SPAG16: variants seen among roughly 807,000 people sequenced by gnomAD.
SPAG16 encodes the protein sperm-associated antigen 16 protein.
A neutral mutation model predicts 80.4 loss-of-function variants in SPAG16; 86 were observed. The ratio of observed to expected loss-of-function variants is 1.07; its 90% CI spans 0.90 to 1.28. The LOEUF (loss-of-function observed/expected upper bound fraction) is 1.28. SPAG16 is among the 50% of genes most tolerant of loss of function. The probability of loss-of-function intolerance (pLI) is 0.00; values close to 1 mark genes in which losing one functional copy is unlikely to be tolerated. For missense variants in SPAG16, 870 were observed against 765.3 expected, an observed-to-expected ratio of 1.14 and a Z score of -1.61; for synonymous variants, 294 against 265.9, an observed-to-expected ratio of 1.11 and a Z score of -1.03.
At chr2:213,868,145 A>G (rs535665354) in intron 11 of SPAG16, among the ~76,000 whole-genome samples, 4 of 152,180 alleles carry the variant, frequency 2.6e-5, no homozygotes, top group African/African-American at 9.6e-5. Context: ...ACCAAATTCA[A>G]TTGCTTCAAA....
In SPAG16 at chr2:213,860,460, C is replaced by CATATATCTATATAT. The variant is rs1559529508; in HGVS notation, c.1071-2024_1071-2023insTATATCTATATATA. The stretch of plus-strand genomic sequence containing the variant: ...ATTTATAGATATATGTATATATATA[C>CATATATCTATATAT]AGATATATCTATCTATATATATATA... On this transcript the variant is annotated intron_variant, in intron 10 of 15. Transcript: ENST00000331683. 5.6e-3 allele frequency among the ~76,000 whole-genome samples: 732 copies of CATATATCTATATAT among 131,484 alleles called. 19 individuals carry two copies. The highest frequency in any genetic ancestry group is 0.019 in the African/African-American group (646 of 34,442). 86.3% of individuals were successfully genotyped at this position (131,484 alleles called of 152,430 possible).
At chr2:214,299,584 CTT>C (rs1308051617) in intron 15 of SPAG16, among the ~76,000 whole-genome samples, 1 of 151,786 alleles carries the variant, frequency 6.6e-6, no homozygotes, top group Non-Finnish European at 1.5e-5. Flanking sequence ...CAGTCTCTCA[CTT>C]TTATTAAAGA....
intron 11 of SPAG16, among the ~76,000 whole-genome samples, chr2:213,928,666 C>T (rs1344015525): frequency 6.6e-6 from 1 of 152,184 alleles, no homozygotes; most frequent in African/African-American, 2.4e-5. Flanking sequence ...TCTATATTTA[C>T]TTACTCTAAA....
chr2:214,058,474 G>T (rs569275796), intron 13 of SPAG16, among the ~76,000 whole-genome samples: 1 of 152,118 alleles, frequency 6.6e-6, no homozygotes, highest in Admixed American at 6.5e-5. Context: ...AATTGCAATG[G>T]TAACATCAAA....
Position 213,685,289 on chromosome 2 carries a change from A to G in SPAG16, c.1071-177196A>G, listed in dbSNP as rs139259365. On this transcript the variant is annotated intron_variant, in intron 10 of 15. Transcript: ENST00000331683. ...TCACTGGGGTAGACCCCAATCCAAT[A>G]TGACGCGTGTTCTTGTAAGAAGGAG... Among the ~76,000 whole-genome samples the G allele has an allele frequency of 1.5e-3, 231 of 152,346 alleles. 2 individuals carry two copies. The highest frequency in any genetic ancestry group is 5.1e-3 in the African/African-American group (212 of 41,582).
Position 213,903,102 on chromosome 2 carries a change from C to T in SPAG16, c.1215-26858C>T, listed in dbSNP as rs557360345. On this transcript the variant is annotated intron_variant, in intron 11 of 15. Coordinates refer to ENST00000331683, the MANE Select transcript of SPAG16 (RefSeq NM_024532.5). ...CCTCCTGGCTGCTTTCACAGGCTAG[C>T]ATTGAGTATCTATGGTTTTTCCAGG... Among the ~76,000 whole-genome samples, 592 of 152,290 alleles carry T rather than the reference C, an allele frequency of 3.9e-3. 5 individuals are homozygous for T. The highest frequency in any genetic ancestry group is 0.014 in the African/African-American group (562 of 41,576).
intron 12 of SPAG16, among the ~76,000 whole-genome samples, chr2:214,009,746 A>C (rs2047196773): frequency 6.6e-6 from 1 of 152,182 alleles, no homozygotes; most frequent in African/African-American, 2.4e-5. Flanking sequence ...GGTCAACAGC[A>C]CACGAGGTGA....
chr2:214,281,766 T>G (rs910409240), intron 15 of SPAG16, among the ~76,000 whole-genome samples: 3 of 152,236 alleles, frequency 2.0e-5, no homozygotes, highest in African/African-American at 7.2e-5. Flanking sequence ...TTATATTCAA[T>G]AGTCAAAAAC....
chr2:213,554,555 G>T (rs550857648), intron 10 of SPAG16, among the ~76,000 whole-genome samples: 2 of 151,880 alleles, frequency 1.3e-5, no homozygotes, highest in East Asian at 3.9e-4. Context: ...GCATGACAAA[G>T]AATTCAAAAT....
At chr2:214,325,663 C>T (rs767983144) in intron 15 of SPAG16, among the ~76,000 whole-genome samples, 8 of 151,920 alleles carry the variant, frequency 5.3e-5, no homozygotes, top group Non-Finnish European at 1.0e-4. Flanking sequence ...TCCTCACCAA[C>T]ATTTGTTTCT....
chr2:213,750,398 C>G (rs1480934125), intron 10 of SPAG16, among the ~76,000 whole-genome samples: 1 of 152,124 alleles, frequency 6.6e-6, no homozygotes, highest in African/African-American at 2.4e-5. Context: ...TTTATGTTAT[C>G]TGCTGTGACT....
chr2:213,366,141 C>CAA lies in SPAG16; in HGVS notation c.832+2013_832+2014dup, dbSNP rs759352187. 3.9e-4 allele frequency among the ~76,000 whole-genome samples: 32 copies of CAA among 82,510 alleles called. 1 individual carries two copies. The highest frequency in any genetic ancestry group is 1.2e-3 in the African/African-American group (26 of 22,470). 54.1% of individuals were successfully genotyped at this position (82,510 alleles called of 152,430 possible). A position where few individuals can be genotyped will look rare whatever the true frequency, so the allele number is the denominator to read the frequency against. On this transcript the variant is annotated intron_variant, in intron 8 of 15. Coordinates refer to ENST00000331683, the MANE Select transcript of SPAG16 (RefSeq NM_024532.5). The stretch of plus-strand genomic sequence containing the variant: ...TGGGCGACAGAGCGAGACTCCGTCT[C>CAA]AAAAAAAAAAAAAAAAAAGAAGAAA...
intron 10 of SPAG16, among the ~76,000 whole-genome samples, chr2:213,847,631 C>T (rs1319841842): frequency 2.0e-5 from 3 of 152,170 alleles, no homozygotes; most frequent in African/African-American, 4.8e-5. Flanking sequence ...ATTGGGATTA[C>T]ATTTCAACAT....
chr2:214,148,901 A>T (rs1487221005), intron 14 of SPAG16, among the ~76,000 whole-genome samples: 1 of 151,790 alleles, frequency 6.6e-6, no homozygotes, highest in African/African-American at 2.4e-5. Context: ...TATATTAAGA[A>T]TATCATTTTA....
chr2:214,026,403 A>G (rs915159298), intron 13 of SPAG16, among the ~76,000 whole-genome samples: 1 of 151,576 alleles, frequency 6.6e-6, no homozygotes, highest in Admixed American at 6.6e-5. Flanking sequence ...GTGCAAATTA[A>G]CAATATCAAC....
At chr2:214,259,473 C>CTTT (rs5838423) in intron 15 of SPAG16, among the ~76,000 whole-genome samples, 1 of 91,250 alleles carries the variant, frequency 1.1e-5, no homozygotes, top group African/African-American at 4.2e-5. Context: ...ACACGTATAG[C>CTTT]TTTTTTTTTT....
At chr2:213,362,627 C>G (rs2066046509) in intron 7 of SPAG16, among the ~76,000 whole-genome samples, 1 of 152,182 alleles carries the variant, frequency 6.6e-6, no homozygotes, top group Non-Finnish European at 1.5e-5. Context: ...AAATCCATAA[C>G]TTTAGTCTAA....
chr2:213,778,808 GA>G (rs1314122172), intron 10 of SPAG16, among the ~76,000 whole-genome samples: 1 of 152,104 alleles, frequency 6.6e-6, no homozygotes, highest in African/African-American at 2.4e-5. Context: ...TATGCAACTG[GA>G]AAGCCTTGAG....
At chr2:214,062,418 C>CAA (rs56693089) in intron 13 of SPAG16, among the ~76,000 whole-genome samples, 32 of 55,378 alleles carry the variant, frequency 5.8e-4, no homozygotes, top group Middle Eastern at 0.026. Flanking sequence ...GACTCTGACT[C>CAA]AAAAAAAAAA....
Sources: gnomAD v4.1 joint callset for allele counts (sites outside exome capture counted in the v4.1 genomes callset) on GRCh38, gnomAD v4.1.1 for gene constraint, MANE v1.5 for transcripts, NCBI Gene and HGNC (gene_info 2026-07-23, HGNC 2026-07-21) for gene names.